The following CAPRIN1 variants were observed in gnomAD, a reference collection of about 807,000 sequenced individuals.
CAPRIN1 encodes the protein caprin-1.
CAPRIN1 carries 29 observed loss-of-function variants against 100.9 expected under a neutral mutation model. The observed-to-expected ratio is 0.29, with a 90% confidence interval of 0.21 to 0.39. The LOEUF is 0.39. CAPRIN1 is among the 10% of genes least tolerant of loss of function. The pLI is 1.00. For missense variants in CAPRIN1, 795 were observed against 876.7 expected, an observed-to-expected ratio of 0.91 and a Z score of 1.18; for synonymous variants, 338 against 307.5, an observed-to-expected ratio of 1.10 and a Z score of -1.04.
At chr11:34,063,521 G>A (rs910028357) in intron 2 of CAPRIN1, among the ~76,000 whole-genome samples, 1 of 152,198 alleles carries the variant, frequency 6.6e-6, no homozygotes, top group Non-Finnish European at 1.5e-5. Context: ...GATATAGAGC[G>A]AGACTGGATA....
At chr11:34,078,918 GT>G (rs1326716839) in intron 6 of CAPRIN1, among the ~76,000 whole-genome samples, 2 of 152,156 alleles carry the variant, frequency 1.3e-5, no homozygotes, top group Non-Finnish European at 2.9e-5. Context: ...ACAGATGTAA[GT>G]TTTTTGTAGT....
rs1225810080 is a variant in CAPRIN1, at chr11:34,090,537, C to T, written c.1413C>T (p.Ile471=). The part of the protein sequence containing the change: ...KEPIDQIQAT[I]SLNTDQTTAS... Reference sequence around the variant, plus strand: ...ATTCACTTTGTGTTTAGGCAACAATCTCTTTAAATACAGACCAGACTACAG... The same window carrying T: ...ATTCACTTTGTGTTTAGGCAACAATTTCTTTAAATACAGACCAGACTACAG... The change falls in exon 14 of 19, where the codon ATC becomes ATT. Residue 471 remains isoleucine (I), a synonymous_variant. Transcript: ENST00000341394. 3 of 1,611,206 alleles carry T rather than the reference C, an allele frequency of 1.9e-6. No individual in the cohort carries two copies. Among genetic ancestry groups the T allele is most frequent in the African/African-American group, 1.3e-5 (1 of 74,870 alleles).
Position 34,086,133 on chromosome 11 carries a change from C to G in CAPRIN1, c.1036C>G (p.Pro346Ala), listed in dbSNP as rs749284381. 2.5e-6 allele frequency: 4 copies of G among 1,614,026 alleles called. No individual in the cohort carries two copies. The East Asian group carries it at 8.9e-5, about 36-fold the overall frequency. ...PSVPEPHSLT[P>A]VAQADPLVRR... ...AGTACCAGAGCCCCACTCTTTGACT[C>G]CAGTGGCTCAGGCAGATCCCCTTGT... is the stretch of plus-strand genomic sequence containing the variant. Residue 346 changes from proline (P) to alanine (A), a missense_variant, in exon 10 of 19, where the codon CCA becomes GCA. Physicochemically the swap from Pro to Ala is conservative, Grantham distance 27. This residue lies in a region of CAPRIN1 where 648 missense variants were observed against 697.9 expected (regional missense o/e 0.93). Coordinates refer to ENST00000341394, the MANE Select transcript of CAPRIN1 (RefSeq NM_005898.5).
chr11:34,091,928 T>A lies in CAPRIN1; in HGVS notation c.1577T>A (p.Val526Asp). 6.2e-7 allele frequency: 1 copy of A among 1,613,638 alleles called. No homozygotes were observed. The highest frequency in any genetic ancestry group is 8.5e-7 in the Non-Finnish European group (1 of 1,179,840). ...MQTVFNMNAPVPPVNEPETLK... is the reference protein window; with the variant it reads ...MQTVFNMNAPDPPVNEPETLK... ...CAGGTGTTCAATATGAATGCCCCAGTTCCTCCTGTTAATGAACCAGAAACT... is the reference window on the plus strand; with the variant it reads ...CAGGTGTTCAATATGAATGCCCCAGATCCTCCTGTTAATGAACCAGAAACT... The change falls in exon 15 of 19, where the codon GTT becomes GAT. Residue 526 changes from valine to aspartate, a missense_variant. Val to Asp is a radical substitution (Grantham distance 152, BLOSUM62 -3). Transcript: ENST00000341394.
chr11:34,093,433 C>G (rs770052655), intron 15 of CAPRIN1, among the ~76,000 whole-genome samples: 3 of 152,148 alleles, frequency 2.0e-5, no homozygotes, highest in South Asian at 4.2e-4. Context: ...TTTAATTCCT[C>G]AGAATTTAAT....
intron 18 of CAPRIN1, chr11:34,098,523 T>C: frequency 1.0e-6 from 1 of 985,432 alleles, no homozygotes; most frequent in Non-Finnish European, 1.2e-6. Flanking sequence ...ACAGGTTTCC[T>C]CTATTGGCCA....
intron 9 of CAPRIN1, among the ~76,000 whole-genome samples, chr11:34,085,779 G>A (rs1002065651): frequency 6.6e-6 from 1 of 152,102 alleles, no homozygotes; most frequent in East Asian, 1.9e-4. Flanking sequence ...TGTCCAGCCT[G>A]GGTTACAGAG....
intron 6 of CAPRIN1, among the ~76,000 whole-genome samples, chr11:34,078,446 T>C (rs117564958): frequency 6.6e-6 from 1 of 152,356 alleles, no homozygotes; most frequent in Non-Finnish European, 1.5e-5. Context: ...AATACCCTGG[T>C]ACACCAAATT....
At chr11:34,090,451 A>G (rs1350834408) in intron 13 of CAPRIN1, 78 bp from the exon 14 acceptor site, 5 of 1,487,808 alleles carry the variant, frequency 3.4e-6, no homozygotes, top group Non-Finnish European at 4.6e-6. Context: ...TTAATTTACC[A>G]CTTTAGTACA....
intron 2 of CAPRIN1, among the ~76,000 whole-genome samples, chr11:34,066,568 G>A (rs1028051656): frequency 6.6e-6 from 1 of 151,560 alleles, no homozygotes; most frequent in African/African-American, 2.4e-5. Flanking sequence ...TCCTGACCTT[G>A]TGATCCGCCT....
Position 34,086,197 on chromosome 11 carries a change from A to T in CAPRIN1, c.1100A>T (p.Gln367Leu). 1 of 1,614,130 alleles carries T rather than the reference A, an allele frequency of 6.2e-7. No homozygotes were observed. Among genetic ancestry groups the T allele is most frequent in the Non-Finnish European group, 8.5e-7 (1 of 1,179,952 alleles). ...GTACAAGACCTTATGGCACAAATGC[A>T]GGGTCCCTATAATTTCATACAGGTA... is the stretch of plus-strand genomic sequence containing the variant. ...QRVQDLMAQM[Q>L]GPYNFIQDSM... Residue 367 changes from glutamine (Q) to leucine (L), a missense_variant, in exon 10 of 19, where the codon CAG (glutamine) becomes CTG (leucine). Physicochemically the swap from Gln to Leu is moderately radical, Grantham distance 113. This residue lies in a region of CAPRIN1 where 648 missense variants were observed against 697.9 expected (regional missense o/e 0.93). Transcript: ENST00000341394.
intron 2 of CAPRIN1, among the ~76,000 whole-genome samples, chr11:34,058,208 C>G (rs1850495698): frequency 6.6e-6 from 1 of 152,154 alleles, no homozygotes; most frequent in Non-Finnish European, 1.5e-5. Context: ...GCAATCTCAG[C>G]TCACTGCAAC....
chr11:34,084,973 C>T (rs1351130809), intron 9 of CAPRIN1, among the ~76,000 whole-genome samples: 2 of 151,690 alleles, frequency 1.3e-5, no homozygotes, highest in African/African-American at 4.9e-5. Flanking sequence ...TTTCTAAAGG[C>T]TATCCACATG....
intron 2 of CAPRIN1, among the ~76,000 whole-genome samples, chr11:34,059,355 G>A (rs1429756520): frequency 1.3e-5 from 2 of 148,920 alleles, no homozygotes; most frequent in Non-Finnish European, 3.0e-5. Flanking sequence ...TGCAACCTCC[G>A]CCTCCTGGGT....
chr11:34,072,030 GT>G (rs1850812658), intron 4 of CAPRIN1, 43 bp downstream of exon 4: 1 of 1,346,082 alleles, frequency 7.4e-7, no homozygotes, highest in South Asian at 1.3e-5. Context: ...TACTTTTGTT[GT>G]TTCTTTGGGT....
chr11:34,088,061 A>G (rs983057617), intron 11 of CAPRIN1, among the ~76,000 whole-genome samples: 2 of 152,236 alleles, frequency 1.3e-5, no homozygotes, highest in East Asian at 3.9e-4. Context: ...GCAGTGGCGC[A>G]TTCTTGGCTC....
intron 2 of CAPRIN1, among the ~76,000 whole-genome samples, chr11:34,063,516 A>G (rs984386216): frequency 1.3e-4 from 20 of 152,232 alleles, no homozygotes; most frequent in Non-Finnish European, 1.5e-5. Flanking sequence ...AACAGGATAT[A>G]GAGCGAGACT....
At position 34,079,474 on chromosome 11, in the gene CAPRIN1, A is replaced by G. The variant is rs149055956; in HGVS notation, c.689-154A>G. ...CTTGTTCCCTATCATTCTGTAATACATTTCTGTTCTTGGTGAAATGTAATC... is the reference window on the plus strand; with the variant it reads ...CTTGTTCCCTATCATTCTGTAATACGTTTCTGTTCTTGGTGAAATGTAATC... On this transcript the variant is annotated intron_variant, in intron 6 of 18. Transcript: ENST00000341394. 1.2e-4 allele frequency among the ~76,000 whole-genome samples: 18 copies of G among 152,066 alleles called. No homozygotes were observed. The East Asian group carries it at 3.1e-3, about 26-fold the overall frequency.
At chr11:34,078,230 T>A (rs1482673387) in intron 6 of CAPRIN1, among the ~76,000 whole-genome samples, 1 of 152,170 alleles carries the variant, frequency 6.6e-6, no homozygotes, top group Non-Finnish European at 1.5e-5. Context: ...ACATATGAAG[T>A]GTTCATTATC....
Sources: allele counts gnomAD v4.1 joint callset (sites outside exome capture counted in the v4.1 genomes callset), GRCh38; gene constraint gnomAD v4.1.1; regional missense constraint gnomAD v4.1.1; transcripts MANE v1.5; gene names NCBI Gene and HGNC (gene_info 2026-07-23, HGNC 2026-07-21).